Variants in AGBL1 observed in about 807,000 individuals in gnomAD.
AGBL1 encodes cytosolic carboxypeptidase 4.
AGBL1 carries 130 observed loss-of-function variants against 118.9 expected under a neutral mutation model. The observed-to-expected ratio is 1.09, with a 90% CI of 0.95 to 1.26. AGBL1 has a LOEUF of 1.26. Among genes scored for constraint, AGBL1 ranks in the 50% most tolerant of loss-of-function variants. The probability of loss-of-function intolerance (pLI) is 0.00; values close to 1 mark genes in which losing one functional copy is unlikely to be tolerated. For synonymous variants in AGBL1, 555 were observed against 478.9 expected (o/e 1.16, Z -2.08); for missense variants, 1,584 against 1,298.1 (o/e 1.22, Z -3.38).
chr15:86,427,729 C>T (rs749579876), intron 18 of AGBL1, among the ~76,000 whole-genome samples: 1 of 152,148 alleles, frequency 6.6e-6, no homozygotes, highest in Non-Finnish European at 1.5e-5. Flanking sequence ...TATTATGTGG[C>T]ATCCCTTAAT....
At chr15:86,348,343 A>T (rs1362490303) in intron 17 of AGBL1, among the ~76,000 whole-genome samples, 2 of 152,254 alleles carry the variant, frequency 1.3e-5, no homozygotes, top group African/African-American at 4.8e-5. Flanking sequence ...CTGTGTTTTC[A>T]CCTTAGTGAA....
At chr15:86,554,061 T>A (rs2142269474) in intron 20 of AGBL1, among the ~76,000 whole-genome samples, 1 of 152,184 alleles carries the variant, frequency 6.6e-6, no homozygotes, top group East Asian at 1.9e-4. Flanking sequence ...GGTTTCACCA[T>A]GACGGCTAGG....
At chr15:86,854,399 A>G (rs1173697171) in intron 22 of AGBL1, among the ~76,000 whole-genome samples, 1 of 152,102 alleles carries the variant, frequency 6.6e-6, no homozygotes, top group Non-Finnish European at 1.5e-5. Flanking sequence ...CAAACAGATG[A>G]GGTGAACTGT....
Position 86,839,951 on chromosome 15 carries a change from C to T in AGBL1, c.3159-67136C>T, listed in dbSNP as rs75798118. ...CTATGAATTTTTTATGCATATCTAC[C>T]TTTCCAGGCAAGTCACAACTTTCTT... On this transcript the variant is annotated intron_variant, in intron 22 of 22. Coordinates refer to ENST00000614907, the MANE Select transcript of AGBL1 (RefSeq NM_001386094.1). Among the ~76,000 whole-genome samples the T allele has an allele frequency of 5.9e-3, 904 of 152,246 alleles. 47 individuals are homozygous for T. In the East Asian group the frequency reaches 0.13, roughly 22 times the overall value.
chr15:86,876,351 G>C (rs1190676961), intron 22 of AGBL1, among the ~76,000 whole-genome samples: 9 of 152,158 alleles, frequency 5.9e-5, no homozygotes, highest in Admixed American at 5.9e-4. Flanking sequence ...CAGAGGCCAG[G>C]TGGAGGGAAA....
At chr15:86,348,931 A>G (rs541527902) in intron 17 of AGBL1, among the ~76,000 whole-genome samples, 1 of 152,272 alleles carries the variant, frequency 6.6e-6, no homozygotes, top group South Asian at 2.1e-4. Context: ...TGTAGATGTA[A>G]TCAAGATAAG....
chr15:86,404,353 A>T (rs1245939701), intron 18 of AGBL1, among the ~76,000 whole-genome samples: 1 of 152,094 alleles, frequency 6.6e-6, no homozygotes, highest in Admixed American at 6.6e-5. Context: ...GGCTGCAAAC[A>T]CCTCAGCTGA....
chr15:86,735,655 G>GATATATATATATAT (rs61663652), intron 22 of AGBL1, among the ~76,000 whole-genome samples: 7 of 146,744 alleles, frequency 4.8e-5, no homozygotes, highest in African/African-American at 1.0e-4. Flanking sequence ...TACAAAGAGA[G>GATATATATATATAT]ATATATATAT....
At chr15:87,026,692 T>C (rs1385558249) in intron 24 of AGBL1, among the ~76,000 whole-genome samples, 1 of 152,008 alleles carries the variant, frequency 6.6e-6, no homozygotes, top group Non-Finnish European at 1.5e-5. Flanking sequence ...CACACACATG[T>C]TTATAGCAGC....
intron 18 of AGBL1, among the ~76,000 whole-genome samples, chr15:86,440,336 T>C (rs1240958321): frequency 6.6e-6 from 1 of 152,078 alleles, no homozygotes; most frequent in Non-Finnish European, 1.5e-5. Flanking sequence ...GGTAGGTTTA[T>C]ATATTATTTG....
At chr15:86,767,385 C>G (rs988614972) in intron 22 of AGBL1, among the ~76,000 whole-genome samples, 1 of 151,770 alleles carries the variant, frequency 6.6e-6, no homozygotes, top group Admixed American at 6.6e-5. Flanking sequence ...AGACTTTTTC[C>G]CTCTTTGCTT....
At chr15:86,132,393 AGAAGGCG>A (rs2141613242) in intron 1 of AGBL1, among the ~76,000 whole-genome samples, 1 of 152,336 alleles carries the variant, frequency 6.6e-6, no homozygotes, top group South Asian at 2.1e-4. Context: ...GGTTGAAGGA[AGAAGGCG>A]GCAACCCATT....
At chr15:86,132,072 A>T (rs547257711) in intron 1 of AGBL1, among the ~76,000 whole-genome samples, 96 of 152,284 alleles carry the variant, frequency 6.3e-4, no homozygotes, top group African/African-American at 2.1e-3. Context: ...TGGGGTAGGG[A>T]AGACCATTAC....
chr15:86,527,854 T>A (rs1180891146), intron 19 of AGBL1, among the ~76,000 whole-genome samples: 1 of 152,210 alleles, frequency 6.6e-6, no homozygotes, highest in Non-Finnish European at 1.5e-5. Context: ...ATTCACTTTA[T>A]AGTGAATATG....
intron 17 of AGBL1, among the ~76,000 whole-genome samples, chr15:86,298,021 C>T (rs771917528): frequency 1.2e-4 from 18 of 151,752 alleles, no homozygotes; most frequent in Non-Finnish European, 2.1e-4. Context: ...TTGCTCACAA[C>T]GAATTTTATT....
At chr15:86,952,577 A>C (rs1237086347) in intron 23 of AGBL1, among the ~76,000 whole-genome samples, 1 of 152,028 alleles carries the variant, frequency 6.6e-6, no homozygotes, top group Non-Finnish European at 1.5e-5. Context: ...TAGATTCTGG[A>C]TGTTCGAACT....
chr15:86,269,391 A>T (rs1303119949), intron 13 of AGBL1, among the ~76,000 whole-genome samples: 2 of 152,246 alleles, frequency 1.3e-5, no homozygotes, highest in African/African-American at 4.8e-5. Context: ...GCAATGGCAT[A>T]TCCAAACCAG....
At chr15:86,859,769 G>A (rs1465504989) in intron 22 of AGBL1, among the ~76,000 whole-genome samples, 1 of 152,128 alleles carries the variant, frequency 6.6e-6, no homozygotes, top group Admixed American at 6.5e-5. Flanking sequence ...GTGCACATAT[G>A]GAAGAAGAAT....
Position 86,777,239 on chromosome 15 carries a change from C to G in AGBL1, c.3158+102803C>G, listed in dbSNP as rs116104184. Among the ~76,000 whole-genome samples the G allele has an allele frequency of 5.6e-3, 852 of 152,044 alleles. 12 individuals are homozygous for G. Among genetic ancestry groups the G allele is most frequent in the African/African-American group, 0.019 (793 of 41,482 alleles). ...ATGTTATGTTCCCTTGATTTATTTC[C>G]TATTCCTGCACCTGTACCATCCAGG... On this transcript the variant is annotated intron_variant, in intron 22 of 22. Coordinates refer to ENST00000614907, the MANE Select transcript of AGBL1 (RefSeq NM_001386094.1).
Sources: allele counts gnomAD v4.1 joint callset (sites outside exome capture counted in the v4.1 genomes callset), GRCh38; gene constraint gnomAD v4.1.1; transcripts MANE v1.5; gene names NCBI Gene and HGNC (gene_info 2026-07-23, HGNC 2026-07-21).